The following ZNF563 variants were observed in gnomAD, a reference collection of about 807,000 sequenced individuals.
ZNF563 encodes the protein zinc finger protein 563.
ZNF563 carries 39 observed loss-of-function variants against 48.5 expected under a neutral mutation model. That is an observed-to-expected ratio of 0.80 (90% confidence interval 0.62 to 1.05). The LOEUF is 1.05. ZNF563 is among the 50% of genes least tolerant of loss of function. The probability of loss-of-function intolerance (pLI) is 0.00; values close to 1 mark genes in which losing one functional copy is unlikely to be tolerated. For missense variants in ZNF563, 538 were observed against 597.0 expected (o/e 0.90, Z 1.03); for synonymous variants, 168 against 187.9 (o/e 0.89, Z 0.87).
Position 12,333,616 on chromosome 19 carries a change from G to T in ZNF563, c.-134C>A, listed in dbSNP as rs1306226136. The T allele has an allele frequency of 3.7e-6, 5 of 1,339,378 alleles. No homozygotes were observed. The highest frequency in any genetic ancestry group is 4.6e-5 in the Admixed American group (2 of 43,154). 83.0% of individuals were successfully genotyped at this position (1,339,378 alleles called of 1,614,324 possible). A position where few individuals can be genotyped will look rare whatever the true frequency, so the allele number is the denominator to read the frequency against. On this transcript the variant is annotated 5_prime_UTR_variant, in exon 1 of 4. Coordinates refer to ENST00000293725, the MANE Select transcript of ZNF563 (RefSeq NM_145276.3). The stretch of plus-strand genomic sequence containing the variant: ...TGAGGCTACACAGACGTTCCAGGGC[G>T]TCTCTCAGCGAGCGACTGAGTCTAG...
chr19:12,329,282 G>C (rs566648603), intron 1 of ZNF563, among the ~76,000 whole-genome samples: 46 of 152,128 alleles, frequency 3.0e-4, no homozygotes, highest in Admixed American at 2.5e-3. Context: ...GACCTGCTTG[G>C]CCAACATGGT....
At chr19:12,336,508 C>T (rs150552390), upstream of ZNF563, among the ~76,000 whole-genome samples, 7,400 of 152,230 alleles carry the variant, frequency 0.049, 591 homozygotes, top group African/African-American at 0.17. Flanking sequence ...AGGAGAATCG[C>T]GTGAACCCAG....
In ZNF563 at chr19:12,319,306, T is replaced by C. The variant is rs374083872; in HGVS notation, c.719A>G (p.Tyr240Cys). 4.0e-5 allele frequency: 65 copies of C among 1,613,680 alleles called. No individual in the cohort carries two copies. Among genetic ancestry groups the C allele is most frequent in the Non-Finnish European group, 5.3e-5 (63 of 1,179,934 alleles). Reference sequence around the variant, plus strand: ...AGTGTGCATTCTCTCATGTCTTCGATAGGAACTGTAAAAAGGAAAGGCTTT... The same window carrying C: ...AGTGTGCATTCTCTCATGTCTTCGACAGGAACTGTAAAAAGGAAAGGCTTT... ...CSKAFPFYSS[Y>C]RRHERMHTGE... Residue 240 changes from tyrosine (Y) to cysteine (C), a missense_variant, in exon 4 of 4, where the codon TAT becomes TGT. Coordinates refer to ENST00000293725, the MANE Select transcript of ZNF563 (RefSeq NM_145276.3).
chr19:12,335,018 G>T (rs1287020185), upstream of ZNF563, among the ~76,000 whole-genome samples: 1 of 152,010 alleles, frequency 6.6e-6, no homozygotes, highest in Non-Finnish European at 1.5e-5. Context: ...GGAGGCGTGC[G>T]CAGGCTGCTG....
the ZNF563 span, among the ~76,000 whole-genome samples, chr19:12,343,130 G>A: frequency 6.6e-6 from 1 of 151,982 alleles, no homozygotes; most frequent in African/African-American, 2.4e-5. Context: ...CGGGGAGGTG[G>A]AGGTTGCAGT....
rs1313461832 is a variant in ZNF563, at chr19:12,319,607, G to T, written c.418C>A (p.Pro140Thr). Reference protein sequence around the residue: ...PHEYQEYGEKPHTHKQRGKAF... With the variant: ...PHEYQEYGEKTHTHKQRGKAF... ...TTCCCACGTTGTTTATGTGTATGTG[G>T]CTTCTCTCCATATTCCTGATACTCA... is the stretch of plus-strand genomic sequence containing the variant. The change falls in exon 4 of 4, where the codon CCA (proline) becomes ACA (threonine). Residue 140 changes from proline to threonine, a missense_variant. Pro to Thr is a conservative substitution (Grantham distance 38). Coordinates refer to ENST00000293725, the MANE Select transcript of ZNF563 (RefSeq NM_145276.3). 6.2e-7 allele frequency: 1 copy of T among 1,614,160 alleles called. No individual in the cohort carries two copies. The highest frequency in any genetic ancestry group is 8.5e-7 in the Non-Finnish European group (1 of 1,180,028).
At chr19:12,332,178 G>A (rs1968935038) in intron 1 of ZNF563, among the ~76,000 whole-genome samples, 1 of 152,022 alleles carries the variant, frequency 6.6e-6, no homozygotes, top group African/African-American at 2.4e-5. Flanking sequence ...GGGAACAGGG[G>A]AAAAGGCTGT....
At chr19:12,333,389 G>A (rs1363657566) in intron 1 of ZNF563, 91 bp downstream of exon 1, 12 of 1,537,480 alleles carry the variant, frequency 7.8e-6, no homozygotes, top group East Asian at 2.4e-5. Flanking sequence ...CGGAGCTGAC[G>A]GCGGGGGAGG....
chr19:12,317,979 A>G lies in ZNF563; in HGVS notation c.*615T>C. On this transcript the variant is annotated 3_prime_UTR_variant, in exon 4 of 4. Coordinates refer to ENST00000293725, the MANE Select transcript of ZNF563 (RefSeq NM_145276.3). ...TTTCTACATTTCTTACATTCATATGACTTCTCTCCAGAGTGAATCCTTTCA... is the reference window on the plus strand; with the variant it reads ...TTTCTACATTTCTTACATTCATATGGCTTCTCTCCAGAGTGAATCCTTTCA... The G allele has an allele frequency of 6.0e-6, 1 of 166,452 alleles. No individual in the cohort carries two copies. The allele number at this position is 166,452 out of a possible 1,614,324, so 10.3% of individuals were successfully genotyped here.
chr19:12,337,338 G>A (rs1010275144), upstream of ZNF563, among the ~76,000 whole-genome samples: 1 of 152,018 alleles, frequency 6.6e-6, no homozygotes, highest in Admixed American at 6.6e-5. Flanking sequence ...GAGAGGCTGG[G>A]ACTGCAGGCA....
At chr19:12,345,683 G>A in the ZNF563 span, among the ~76,000 whole-genome samples, 10 of 152,156 alleles carry the variant, frequency 6.6e-5, no homozygotes, top group African/African-American at 1.7e-4. Context: ...TTGGGAGGCC[G>A]AGCAGATCAC....
chr19:12,346,455 A>G, the ZNF563 span: 1 of 152,246 alleles, frequency 6.6e-6, no homozygotes, highest in Non-Finnish European at 1.5e-5. Context: ...ATATGTGACA[A>G]TGTGGAAAAT....
At chr19:12,328,232 G>A (rs1323720480) in intron 1 of ZNF563, among the ~76,000 whole-genome samples, 1 of 152,082 alleles carries the variant, frequency 6.6e-6, no homozygotes, top group Admixed American at 6.6e-5. Context: ...CACACCTGTG[G>A]TGCCACCACT....
chr19:12,339,310 C>T, the ZNF563 span, among the ~76,000 whole-genome samples: 6 of 130,174 alleles, frequency 4.6e-5, no homozygotes, highest in Admixed American at 9.2e-5. Context: ...GATGGAGTCT[C>T]GCTCTGTCAC....
rs567439951 is a variant in ZNF563, at chr19:12,332,347, CTTTTTTT to C, written c.3+1126_3+1132del. Among the ~76,000 whole-genome samples, 1,117 of 135,122 alleles carry C rather than the reference CTTTTTTT, an allele frequency of 8.3e-3. 15 individuals carry two copies. Among genetic ancestry groups the C allele is most frequent in the African/African-American group, 0.03 (1,079 of 36,042 alleles). The allele number at this position is 135,122 out of a possible 152,430, so 88.6% of individuals were successfully genotyped here. A position where few individuals can be genotyped will look rare whatever the true frequency, so the allele number is the denominator to read the frequency against. On this transcript the variant is annotated intron_variant, in intron 1 of 3. Coordinates refer to ENST00000293725, the MANE Select transcript of ZNF563 (RefSeq NM_145276.3). ...TCTAACTTTGTTTTTTTTCTTTTTTCTTTTTTTTTTTTTTTTTGAGACGGAGTCTCTC... is the reference window on the plus strand; with the variant it reads ...TCTAACTTTGTTTTTTTTCTTTTTTCTTTTTTTTTTGAGACGGAGTCTCTC...
chr19:12,338,997 A>C, the ZNF563 span, among the ~76,000 whole-genome samples: 1 of 152,162 alleles, frequency 6.6e-6, no homozygotes, highest in Non-Finnish European at 1.5e-5. Context: ...ACTTCTCCCC[A>C]CTACCTCTGT....
chr19:12,347,386 T>C, the ZNF563 span: 1 of 152,176 alleles, frequency 6.6e-6, no homozygotes, highest in Admixed American at 6.5e-5. Context: ...TGGAAACCAT[T>C]ATGGAGTGAG....
chr19:12,320,898 G>C (rs1968602799), intron 3 of ZNF563, among the ~76,000 whole-genome samples: 1 of 152,022 alleles, frequency 6.6e-6, no homozygotes, highest in Non-Finnish European at 1.5e-5. Flanking sequence ...CCAGCATTTG[G>C]GGAGGCCAAG....
chr19:12,336,563 G>A (rs1969023033), upstream of ZNF563, among the ~76,000 whole-genome samples: 1 of 152,242 alleles, frequency 6.6e-6, no homozygotes, highest in Non-Finnish European at 1.5e-5. Context: ...TTGTACTCCA[G>A]CTTGGGCGAC....
Sources: gnomAD v4.1 joint callset for allele counts (sites outside exome capture counted in the v4.1 genomes callset) on GRCh38, gnomAD v4.1.1 for gene constraint, MANE v1.5 for transcripts, NCBI Gene and HGNC (gene_info 2026-07-23, HGNC 2026-07-21) for gene names.